CLVS1: variants seen among roughly 807,000 people sequenced by gnomAD.
CLVS1 encodes clavesin-1.
Under a neutral mutation model 33.1 loss-of-function variants are expected in CLVS1, and 10 were observed. The observed-to-expected ratio is 0.30, with a 90% confidence interval of 0.19 to 0.51. The LOEUF is 0.51. Ranked by LOEUF, CLVS1 falls within the 20% of genes least tolerant of loss-of-function variation. The pLI, the probability that CLVS1 is intolerant of heterozygous loss-of-function variation, is 0.97. For missense variants in CLVS1, 343 were observed against 433.4 expected, an observed-to-expected ratio of 0.79 and a Z score of 1.85; for synonymous variants, 163 against 166.1, an observed-to-expected ratio of 0.98 and a Z score of 0.14.
At chr8:61,262,769 C>T (rs1291622558) in intron 2 of CLVS1, among the ~76,000 whole-genome samples, 2 of 152,118 alleles carry the variant, frequency 1.3e-5, no homozygotes, top group African/African-American at 4.8e-5. Context: ...GGCAGGCGTT[C>T]AGGATGCTCC....
chr8:61,333,225 A>G (rs10089827), intron 2 of CLVS1, among the ~76,000 whole-genome samples: 8,894 of 152,256 alleles, frequency 0.058, 635 homozygotes, highest in East Asian at 0.18. Context: ...GAGAAATTTG[A>G]AAGTTTAATA....
upstream of CLVS1, among the ~76,000 whole-genome samples, chr8:61,055,711 C>T (rs1804463857): frequency 6.6e-6 from 1 of 152,194 alleles, no homozygotes; most frequent in Admixed American, 6.5e-5. Context: ...TGTTTTTAGA[C>T]TCATGATCTC....
At chr8:61,271,636 T>A (rs28889366) in intron 2 of CLVS1, among the ~76,000 whole-genome samples, 5,058 of 47,222 alleles carry the variant, frequency 0.11, 490 homozygotes, top group East Asian at 0.43. Flanking sequence ...CCCATTATTA[T>A]TGTGTGGGAG....
At chr8:61,208,169 AT>A (rs1476861560) in intron 2 of CLVS1, among the ~76,000 whole-genome samples, 14 of 152,314 alleles carry the variant, frequency 9.2e-5, no homozygotes, top group South Asian at 2.1e-4. Flanking sequence ...AGATGAAGTA[AT>A]TTTTCTCTGT....
chr8:61,240,207 A>G lies in CLVS1; in HGVS notation c.-151-59470A>G, dbSNP rs1031782920. ...CTCTCCACAACTTCCCACCACCATT[A>G]GAATAAAAGCAAACTCCCTGCATGC... On this transcript the variant is annotated intron_variant, in intron 2 of 2. Coordinates refer to the CLVS1 transcript ENST00000522621. 2.6e-4 allele frequency among the ~76,000 whole-genome samples: 39 copies of G among 152,196 alleles called. 1 individual carries two copies. Among genetic ancestry groups the G allele is most frequent in the Non-Finnish European group, 1.3e-4 (9 of 68,034 alleles).
the CLVS1 span, among the ~76,000 whole-genome samples, chr8:61,028,504 A>G: frequency 1.3e-5 from 2 of 152,222 alleles, no homozygotes; most frequent in Admixed American, 6.5e-5. Flanking sequence ...GCATTAAAGT[A>G]TTGAGAGTAG....
chr8:61,075,758 A>G (rs1044774290), intron 1 of CLVS1, among the ~76,000 whole-genome samples: 4 of 152,200 alleles, frequency 2.6e-5, no homozygotes, highest in African/African-American at 9.7e-5. Flanking sequence ...TGTGGCTGAT[A>G]CAAGGCTGGT....
intron 3 of CLVS1, among the ~76,000 whole-genome samples, chr8:61,396,944 C>A (rs1411424939): frequency 3.9e-5 from 6 of 152,072 alleles, no homozygotes; most frequent in African/African-American, 1.4e-4. Context: ...CAGTTAATGG[C>A]TATTTTGGTT....
chr8:61,044,832 C>T, the CLVS1 span, among the ~76,000 whole-genome samples: 1 of 152,140 alleles, frequency 6.6e-6, no homozygotes, highest in East Asian at 1.9e-4. Flanking sequence ...AGTGACTCAA[C>T]TCATTTTTAA....
chr8:61,019,079 A>G, the CLVS1 span, among the ~76,000 whole-genome samples: 335 of 152,340 alleles, frequency 2.2e-3, 2 homozygotes, highest in Admixed American at 5.0e-3. Flanking sequence ...GGATTTCATA[A>G]CTAGGCTCCT....
At chr8:61,313,524 C>T (rs1361599487) in intron 2 of CLVS1, among the ~76,000 whole-genome samples, 1 of 152,124 alleles carries the variant, frequency 6.6e-6, no homozygotes, top group African/African-American at 2.4e-5. Flanking sequence ...GGAAAGAACA[C>T]AGGAGGGATC....
At chr8:61,479,509 C>T (rs1440769015) in intron 5 of CLVS1, among the ~76,000 whole-genome samples, 1 of 152,038 alleles carries the variant, frequency 6.6e-6, no homozygotes, top group Non-Finnish European at 1.5e-5. Flanking sequence ...AGGTTTTTAA[C>T]TTCTTTGCCA....
chr8:61,268,137 G>A (rs921658189), intron 2 of CLVS1, among the ~76,000 whole-genome samples: 6 of 151,466 alleles, frequency 4.0e-5, no homozygotes, highest in Admixed American at 2.6e-4. Flanking sequence ...TCTAGCATTA[G>A]GTATATCTCC....
At position 61,086,807 on chromosome 8, in the gene CLVS1, G is replaced by C. The variant is rs77720865; in HGVS notation, c.-243+29577G>C. Among the ~76,000 whole-genome samples the C allele has an allele frequency of 8.4e-3, 1,277 of 152,258 alleles. 18 individuals carry two copies. Among genetic ancestry groups the C allele is most frequent in the African/African-American group, 0.03 (1,226 of 41,524 alleles). ...ACATAATCTCCAAGGTAGTCAAGGA[G>C]GAACTATAATCCTAACAGTAAAGGC... On this transcript the variant is annotated intron_variant, in intron 1 of 2. Coordinates refer to the CLVS1 transcript ENST00000522621.
chr8:61,144,422 G>A (rs1188614647), intron 2 of CLVS1, among the ~76,000 whole-genome samples: 2 of 152,114 alleles, frequency 1.3e-5, no homozygotes, highest in African/African-American at 4.8e-5. Flanking sequence ...TGGTGTATAT[G>A]TGCCACATTT....
At chr8:61,065,813 G>A (rs1273057324) in intron 1 of CLVS1, among the ~76,000 whole-genome samples, 5 of 152,130 alleles carry the variant, frequency 3.3e-5, no homozygotes, top group African/African-American at 1.2e-4. Context: ...AAAAATTTGT[G>A]GGTTGTGTAG....
intron 2 of CLVS1, among the ~76,000 whole-genome samples, chr8:61,373,398 A>G (rs534747086): frequency 2.0e-5 from 3 of 152,350 alleles, no homozygotes; most frequent in African/African-American, 7.2e-5. Flanking sequence ...GGATCATCCC[A>G]GGAACATAAC....
the CLVS1 span, among the ~76,000 whole-genome samples, chr8:61,031,210 G>A: frequency 1.3e-5 from 2 of 152,164 alleles, no homozygotes; most frequent in African/African-American, 2.4e-5. Flanking sequence ...CAAAAGGCTT[G>A]GGAAAGGGGG....
the CLVS1 span, among the ~76,000 whole-genome samples, chr8:60,991,783 G>A: frequency 4.2e-4 from 57 of 135,614 alleles, no homozygotes; most frequent in African/African-American, 1.4e-3. Context: ...GTCTTGTTCC[G>A]TTGCCCAGGC....
Sources: allele counts gnomAD v4.1 joint callset (sites outside exome capture counted in the v4.1 genomes callset), GRCh38; gene constraint gnomAD v4.1.1; transcripts MANE v1.5; gene names NCBI Gene and HGNC (gene_info 2026-07-23, HGNC 2026-07-21).